MYT1L: variants seen among roughly 807,000 people sequenced by gnomAD.
MYT1L encodes the protein myelin transcription factor 1 like.
Under a neutral mutation model 126.7 loss-of-function variants are expected in MYT1L, and 12 were observed. That is an observed-to-expected ratio of 0.09 (90% CI 0.06 to 0.15). The LOEUF (loss-of-function observed/expected upper bound fraction) is 0.15. Ranked by LOEUF, MYT1L falls within the 10% of genes least tolerant of loss-of-function variation. The pLI is 1.00. For synonymous variants in MYT1L, 541 were observed against 604.2 expected (o/e 0.90, Z 1.53); for missense variants, 979 against 1,585.2 (o/e 0.62, Z 6.49).
chr2:1,804,391 G>A (rs539095811), intron 22 of MYT1L, among the ~76,000 whole-genome samples: 23 of 151,902 alleles, frequency 1.5e-4, no homozygotes, highest in African/African-American at 5.3e-4. Context: ...CAAACTGCTG[G>A]GATTACAGGC....
intron 3 of MYT1L, among the ~76,000 whole-genome samples, chr2:2,064,632 T>C (rs1390324948): frequency 2.0e-5 from 3 of 152,204 alleles, no homozygotes; most frequent in Admixed American, 2.0e-4. Flanking sequence ...AATTCTGAAT[T>C]AGAAACAATA....
At chr2:2,106,399 C>G (rs1447823190) in intron 3 of MYT1L, among the ~76,000 whole-genome samples, 1 of 152,154 alleles carries the variant, frequency 6.6e-6, no homozygotes, top group South Asian at 2.1e-4. Context: ...GGGTGGATCA[C>G]TTGAGGTCAG....
At chr2:2,159,603 T>C (rs2087474880) in intron 3 of MYT1L, among the ~76,000 whole-genome samples, 1 of 151,828 alleles carries the variant, frequency 6.6e-6, no homozygotes, top group Non-Finnish European at 1.5e-5. Context: ...GACTAGGAGG[T>C]GGCCGATGCC....
chr2:1,968,385 T>G (rs917165407), intron 8 of MYT1L, among the ~76,000 whole-genome samples: 1 of 152,212 alleles, frequency 6.6e-6, no homozygotes, highest in African/African-American at 2.4e-5. Context: ...GTATTATTTA[T>G]GAATAAAATT....
In MYT1L at chr2:1,943,082, G is replaced by A. The variant is rs375288670; in HGVS notation, c.405C>T (p.Ile135=). 2.6e-5 allele frequency: 38 copies of A among 1,441,138 alleles called. No homozygotes were observed. Among genetic ancestry groups the A allele is most frequent in the South Asian group, 6.1e-5 (5 of 81,602 alleles). 89.3% of individuals were successfully genotyped at this position (1,441,138 alleles called of 1,614,324 possible). A position where few individuals can be genotyped will look rare whatever the true frequency, so the allele number is the denominator to read the frequency against. The change falls in exon 9 of 25, where the codon ATC becomes ATT. Residue 135 remains isoleucine (I), a synonymous_variant. Coordinates refer to ENST00000647738, the MANE Select transcript of MYT1L (RefSeq NM_001303052.2). This position sits in a 1 kb window ranked among gnomAD's most constrained non-coding sequence, Gnocchi z 4.4. ...CGTCATCGTCCTCATCCTCCTCCTC[G>A]ATCTCCTCCTCCTCCTCCCGGTCCC... ...EEGDREEEEE[I]EEEDEDDDED... is the part of the protein sequence containing the mutation.
At chr2:2,318,674 T>G (rs2096110755) in intron 1 of MYT1L, among the ~76,000 whole-genome samples, 1 of 152,230 alleles carries the variant, frequency 6.6e-6, no homozygotes, top group Non-Finnish European at 1.5e-5. Context: ...AAATTTCACA[T>G]GTTAATTCAG....
intron 2 of MYT1L, among the ~76,000 whole-genome samples, chr2:2,197,718 A>C (rs2092872247): frequency 6.6e-6 from 1 of 151,556 alleles, no homozygotes; most frequent in Non-Finnish European, 1.5e-5. Flanking sequence ...GAATGTGTAG[A>C]GATGTATATA....
At chr2:1,934,978 T>A (rs917690892) in intron 9 of MYT1L, among the ~76,000 whole-genome samples, 5 of 152,150 alleles carry the variant, frequency 3.3e-5, no homozygotes, top group African/African-American at 1.2e-4. Flanking sequence ...TGAGAGGACA[T>A]CAGGGTTCCT....
intron 3 of MYT1L, among the ~76,000 whole-genome samples, chr2:2,086,163 G>A (rs1027292025): frequency 6.6e-6 from 1 of 152,120 alleles, no homozygotes; most frequent in Non-Finnish European, 1.5e-5. Flanking sequence ...TGAGTATGGA[G>A]GGCCAGACCT....
At chr2:2,208,951 AT>A (rs59032371) in intron 2 of MYT1L, among the ~76,000 whole-genome samples, 24,405 of 151,760 alleles carry the variant, frequency 0.16, 2,108 homozygotes, top group African/African-American at 0.22. Context: ...ACTTTCCATC[AT>A]TTTTCAAATG....
chr2:2,017,896 T>C (rs990902882), intron 4 of MYT1L, among the ~76,000 whole-genome samples: 1 of 152,210 alleles, frequency 6.6e-6, no homozygotes, highest in African/African-American at 2.4e-5. Flanking sequence ...ATTTAATTTG[T>C]TGTTTTTATT....
intron 3 of MYT1L, among the ~76,000 whole-genome samples, chr2:2,168,832 G>C (rs889975414): frequency 2.6e-5 from 4 of 152,156 alleles, no homozygotes; most frequent in Non-Finnish European, 4.4e-5. Context: ...ATGGAGGCCA[G>C]ACCCAACTCA....
chr2:2,327,535 C>A (rs570926899), intron 1 of MYT1L, among the ~76,000 whole-genome samples: 1 of 152,062 alleles, frequency 6.6e-6, no homozygotes, highest in Non-Finnish European at 1.5e-5. Flanking sequence ...AACATCATTG[C>A]GCTCAAATTA....
chr2:2,301,601 G>A (rs1224925583), intron 1 of MYT1L, among the ~76,000 whole-genome samples: 50 of 152,216 alleles, frequency 3.3e-4, no homozygotes, highest in Non-Finnish European at 4.4e-5. Context: ...GGCTGAGGCA[G>A]TAGGATCACT....
At chr2:2,150,872 G>GGGAGGGAA (rs1278313764) in intron 3 of MYT1L, among the ~76,000 whole-genome samples, 1 of 149,624 alleles carries the variant, frequency 6.7e-6, no homozygotes, top group Non-Finnish European at 1.5e-5. Context: ...GAGGGAAGAA[G>GGGAGGGAA]GGAGGGAAGG....
intron 2 of MYT1L, among the ~76,000 whole-genome samples, chr2:2,177,880 T>G (rs926093233): frequency 3.3e-5 from 5 of 152,146 alleles, no homozygotes; most frequent in African/African-American, 1.2e-4. Flanking sequence ...AATAGGGGCA[T>G]GTCTTATATT....
At chr2:1,898,139 A>G (rs1203455662) in intron 14 of MYT1L, among the ~76,000 whole-genome samples, 2 of 152,202 alleles carry the variant, frequency 1.3e-5, no homozygotes, top group Non-Finnish European at 2.9e-5. Flanking sequence ...AGAAATGCCT[A>G]TTGCCTTATG....
intron 3 of MYT1L, among the ~76,000 whole-genome samples, chr2:2,065,848 G>GCACACACACACACACGCACACA (rs2071201643): frequency 1.5e-5 from 2 of 135,400 alleles, no homozygotes; most frequent in African/African-American, 5.5e-5. Flanking sequence ...ACACACACAC[G>GCACACACACACACACGCACACA]CACACACACA....
At chr2:2,156,529 T>G (rs559291035) in intron 3 of MYT1L, among the ~76,000 whole-genome samples, 1 of 152,224 alleles carries the variant, frequency 6.6e-6, no homozygotes, top group African/African-American at 2.4e-5. Context: ...ATAAGCAAAT[T>G]TGAAAAAAGT....
Sources: allele counts gnomAD v4.1 joint callset (sites outside exome capture counted in the v4.1 genomes callset), GRCh38; gene constraint gnomAD v4.1.1; non-coding constraint Gnocchi (gnomAD v3.1); transcripts MANE v1.5; gene names NCBI Gene and HGNC (gene_info 2026-07-23, HGNC 2026-07-21).